TNFRSF8: variants seen among roughly 807,000 people sequenced by gnomAD.
TNFRSF8 encodes the protein TNF receptor superfamily member 8, also known as tumor necrosis factor receptor superfamily member 8.
Under a neutral mutation model 70.8 loss-of-function variants are expected in TNFRSF8, and 26 were observed. The observed-to-expected ratio is 0.37, with a 90% confidence interval of 0.27 to 0.51. TNFRSF8 has a LOEUF of 0.51. Among genes scored for constraint, TNFRSF8 ranks in the 20% least tolerant of loss-of-function variants. The pLI, the probability that TNFRSF8 is intolerant of heterozygous loss-of-function variation, is 0.94. For missense variants in TNFRSF8, 720 were observed against 807.9 expected (o/e 0.89, Z 1.32); for synonymous variants, 356 against 339.2 (o/e 1.05, Z -0.54).
intron 1 of TNFRSF8, among the ~76,000 whole-genome samples, chr1:12,078,546 G>C (rs895758979): frequency 6.6e-6 from 1 of 152,072 alleles, no homozygotes; most frequent in Non-Finnish European, 1.5e-5. Flanking sequence ...CTTGGGCGAC[G>C]GAGCGAGTAC....
intron 12 of TNFRSF8, among the ~76,000 whole-genome samples, chr1:12,133,840 G>T (rs900551842): frequency 6.6e-6 from 1 of 151,894 alleles, no homozygotes; most frequent in African/African-American, 2.4e-5. Context: ...ATCACCTGAG[G>T]TCAGGAGTTG....
At chr1:12,128,557 G>A (rs17456501) in intron 12 of TNFRSF8, among the ~76,000 whole-genome samples, 6,183 of 152,352 alleles carry the variant, frequency 0.041, 203 homozygotes, top group Non-Finnish European at 0.053. Flanking sequence ...GCACAGGATG[G>A]TGAAGTAATT....
At position 12,101,686 on chromosome 1, in the gene TNFRSF8, G is replaced by GT. The variant is rs35119614; in HGVS notation, c.269-2685dup. ...CAGCTCCATTATAATCTCTTTTATT[G>GT]TTTTTTTTGTTTGAGATGGAGTCCT... On this transcript the variant is annotated intron_variant, in intron 3 of 14. Coordinates refer to ENST00000263932, the MANE Select transcript of TNFRSF8 (RefSeq NM_001243.5). Among the ~76,000 whole-genome samples the GT allele has an allele frequency of 3.0e-4, 46 of 151,454 alleles. No homozygotes were observed. In the South Asian group the frequency reaches 5.0e-3, roughly 17 times the overall value.
intron 2 of TNFRSF8, among the ~76,000 whole-genome samples, chr1:12,085,784 G>T (rs906778893): frequency 1.3e-5 from 2 of 152,246 alleles, no homozygotes; most frequent in African/African-American, 4.8e-5. Flanking sequence ...GAGATAAGCA[G>T]CTGGAATAGG....
At chr1:12,092,952 C>T (rs557546188) in intron 2 of TNFRSF8, among the ~76,000 whole-genome samples, 3 of 152,200 alleles carry the variant, frequency 2.0e-5, no homozygotes, top group African/African-American at 7.2e-5. Flanking sequence ...ATTACAGGCA[C>T]ATGCCACCAT....
chr1:12,138,895 C>T lies in TNFRSF8; in HGVS notation c.1543+459C>T, dbSNP rs1363511594. 7.1e-6 allele frequency among the ~76,000 whole-genome samples: 1 copy of T among 141,112 alleles called. No individual in the cohort carries two copies. Among genetic ancestry groups the T allele is most frequent in the African/African-American group, 2.9e-5 (1 of 34,142 alleles). 92.6% of individuals were successfully genotyped at this position (141,112 alleles called of 152,430 possible). The stretch of plus-strand genomic sequence containing the variant: ...TGGCTCAGAGGGTGAAGTGATTTTC[C>T]CCATTGCATGGCTACTAAGTGGCAC... On this transcript the variant is annotated intron_variant, in intron 14 of 14. Transcript: ENST00000263932. This position sits in a 1 kb window ranked among gnomAD's most constrained non-coding sequence, Gnocchi z 5.7.
At chr1:12,103,856 A>T (rs1641468419) in intron 3 of TNFRSF8, among the ~76,000 whole-genome samples, 1 of 152,178 alleles carries the variant, frequency 6.6e-6, no homozygotes, top group African/African-American at 2.4e-5. Context: ...CCTGATAATG[A>T]TGCATTATTA....
chr1:12,091,727 A>G (rs1641251130), intron 2 of TNFRSF8, among the ~76,000 whole-genome samples: 1 of 152,154 alleles, frequency 6.6e-6, no homozygotes, highest in Non-Finnish European at 1.5e-5. Flanking sequence ...CCTCAGGCTG[A>G]GTGGCTTAAA....
chr1:12,099,422 G>C (rs1641382720), intron 3 of TNFRSF8, among the ~76,000 whole-genome samples: 1 of 152,078 alleles, frequency 6.6e-6, no homozygotes. Context: ...TGGGATTACA[G>C]GTGTGAGTCA....
intron 14 of TNFRSF8, among the ~76,000 whole-genome samples, chr1:12,140,587 C>A (rs1642233494): frequency 6.6e-6 from 1 of 152,206 alleles, no homozygotes; most frequent in Admixed American, 6.5e-5. Flanking sequence ...GCGGGGCAGA[C>A]CCCTCATGGC....
intron 13 of TNFRSF8, among the ~76,000 whole-genome samples, chr1:12,136,048 G>A (rs1288413298): frequency 6.6e-6 from 1 of 151,942 alleles, no homozygotes; most frequent in Admixed American, 6.6e-5. Context: ...GGATGACAGA[G>A]CAGGTGGCTA....
In TNFRSF8 at chr1:12,131,225, G is replaced by A. The variant is rs1217120723; in HGVS notation, c.1310-4363G>A. On this transcript the variant is annotated intron_variant, in intron 12 of 14. Transcript: ENST00000263932. ...AGCACTTTGGGAGGCCAAGGTGGGT[G>A]GATCACCTGAGGTCGAGAGTTCAAG... Among the ~76,000 whole-genome samples, 3 of 152,146 alleles carry A rather than the reference G, an allele frequency of 2.0e-5. No individual in the cohort carries two copies. The East Asian group carries it at 5.8e-4, about 29-fold the overall frequency.
intron 1 of TNFRSF8, among the ~76,000 whole-genome samples, chr1:12,075,035 T>A (rs1177081287): frequency 1.3e-5 from 2 of 152,106 alleles, no homozygotes; most frequent in South Asian, 4.1e-4. Context: ...GGCAGGTGGA[T>A]CACTTGAGGT....
In TNFRSF8 at chr1:12,108,103, G is replaced by A. The variant is rs1015162432; in HGVS notation, c.422-1463G>A. ...TTTTATTTTTTTTTTTTTTGTGATGGAGCCTCGATCTGTCACCCAGACTAG... is the reference window on the plus strand; with the variant it reads ...TTTTATTTTTTTTTTTTTTGTGATGAAGCCTCGATCTGTCACCCAGACTAG... On this transcript the variant is annotated intron_variant, in intron 4 of 14. Coordinates refer to ENST00000263932, the MANE Select transcript of TNFRSF8 (RefSeq NM_001243.5). This position sits in a 1 kb window ranked among gnomAD's most constrained non-coding sequence, Gnocchi z 4.0. Among the ~76,000 whole-genome samples the A allele has an allele frequency of 3.7e-5, 5 of 133,700 alleles. No homozygotes were observed. Among genetic ancestry groups the A allele is most frequent in the Non-Finnish European group, 8.6e-5 (5 of 58,172 alleles). The allele number at this position is 133,700 out of a possible 152,430, so 87.7% of individuals were successfully genotyped here.
intron 1 of TNFRSF8, among the ~76,000 whole-genome samples, chr1:12,072,575 G>A (rs58625164): frequency 0.15 from 23,232 of 152,012 alleles, 2,725 homozygotes; most frequent in African/African-American, 0.34. Context: ...CAGTGCTGGT[G>A]GTTGGGGCGA....
chr1:12,079,627 G>A (rs1338850969), intron 1 of TNFRSF8, among the ~76,000 whole-genome samples: 1 of 152,160 alleles, frequency 6.6e-6, no homozygotes, highest in South Asian at 2.1e-4. Flanking sequence ...GGGGAAGGGG[G>A]TGCCCCTTCC....
chr1:12,081,155 G>A (rs1641056194), intron 1 of TNFRSF8, among the ~76,000 whole-genome samples: 1 of 152,188 alleles, frequency 6.6e-6, no homozygotes, highest in Non-Finnish European at 1.5e-5. Flanking sequence ...CCCCTCCATT[G>A]ACCCAGGTGT....
chr1:12,065,146 G>A (rs944302513), intron 1 of TNFRSF8, among the ~76,000 whole-genome samples: 4 of 132,682 alleles, frequency 3.0e-5, no homozygotes, highest in East Asian at 2.3e-4. Context: ...TGCAATGCTC[G>A]ATCTCGGCTC....
chr1:12,111,166 T>C (rs1219929139), intron 6 of TNFRSF8, among the ~76,000 whole-genome samples: 1 of 152,012 alleles, frequency 6.6e-6, no homozygotes, highest in Admixed American at 6.6e-5. Context: ...CTCTCTATGA[T>C]GTCTTTTGTT....
Sources: gnomAD v4.1 joint callset for allele counts (sites outside exome capture counted in the v4.1 genomes callset) on GRCh38, gnomAD v4.1.1 for gene constraint, Gnocchi (gnomAD v3.1) non-coding constraint, MANE v1.5 for transcripts, NCBI Gene and HGNC (gene_info 2026-07-23, HGNC 2026-07-21) for gene names.